Variants in LRFN2 observed in about 807,000 individuals in gnomAD.
LRFN2 encodes the protein leucine rich repeat and fibronectin type III domain containing 2, also known as leucine-rich repeat and fibronectin type-III domain-containing protein 2.
LRFN2 carries 18 observed loss-of-function variants against 37.3 expected under a neutral mutation model. That is an observed-to-expected ratio of 0.48 (90% CI 0.33 to 0.72). LRFN2 has a LOEUF of 0.72. Ranked by LOEUF, LRFN2 falls within the 30% of genes least tolerant of loss-of-function variation. The pLI, the probability that LRFN2 is intolerant of heterozygous loss-of-function variation, is 0.02. For synonymous variants in LRFN2, 556 were observed against 466.6 expected, an observed-to-expected ratio of 1.19 and a Z score of -2.47; for missense variants, 1,006 against 1,060.7, an observed-to-expected ratio of 0.95 and a Z score of 0.72.
intron 1 of LRFN2, among the ~76,000 whole-genome samples, chr6:40,449,905 G>A (rs1436027827): frequency 8.6e-5 from 13 of 151,918 alleles, no homozygotes; most frequent in Non-Finnish European, 4.4e-5. Context: ...ATCTCATTTG[G>A]GCTACTTTGC....
At chr6:40,505,802 T>TG (rs761379607) in intron 1 of LRFN2, among the ~76,000 whole-genome samples, 12 of 152,286 alleles carry the variant, frequency 7.9e-5, no homozygotes, top group East Asian at 7.7e-4. Flanking sequence ...TGGCAGGGGT[T>TG]GGGGGGTCCC....
In LRFN2 at chr6:40,391,713, G is replaced by A. The variant is rs761605257; in HGVS notation, c.*230C>T. 18 of 422,064 alleles carry A rather than the reference G, an allele frequency of 4.3e-5. No individual in the cohort carries two copies. Among genetic ancestry groups the A allele is most frequent in the Admixed American group, 2.5e-4 (6 of 24,132 alleles). 26.1% of individuals were successfully genotyped at this position (422,064 alleles called of 1,614,324 possible). A position where few individuals can be genotyped will look rare whatever the true frequency, so the allele number is the denominator to read the frequency against. ...GAGTCTCGCCTTTCCAAACACTCAGGGCTCAGTCCGGCATTTGAGCGAGTC... is the reference window on the plus strand; with the variant it reads ...GAGTCTCGCCTTTCCAAACACTCAGAGCTCAGTCCGGCATTTGAGCGAGTC... On this transcript the variant is annotated 3_prime_UTR_variant, in exon 3 of 3. Coordinates refer to ENST00000338305, the MANE Select transcript of LRFN2 (RefSeq NM_020737.3).
chr6:40,428,731 G>T (rs115815819), intron 2 of LRFN2, among the ~76,000 whole-genome samples: 238 of 152,270 alleles, frequency 1.6e-3, no homozygotes, highest in African/African-American at 5.6e-3. Context: ...ATGAGATACT[G>T]CCTGTAAAAG....
chr6:40,569,228 C>T (rs941402775), intron 1 of LRFN2, among the ~76,000 whole-genome samples: 1 of 152,208 alleles, frequency 6.6e-6, no homozygotes, highest in African/African-American at 2.4e-5. Flanking sequence ...TTTAAGCCTC[C>T]ACTGGGGGAG....
chr6:40,435,870 G>A (rs1163478904), intron 1 of LRFN2, among the ~76,000 whole-genome samples: 7 of 152,094 alleles, frequency 4.6e-5, no homozygotes, highest in Non-Finnish European at 7.4e-5. Context: ...ACTTTATTAT[G>A]TATATTTGAA....
Position 40,546,014 on chromosome 6 carries a change from C to T in LRFN2, c.-19+40927G>A, listed in dbSNP as rs1766652934. On this transcript the variant is annotated intron_variant, in intron 1 of 2. Transcript: ENST00000338305. ...TTTAGCGCTGGCAGTCAACTAACCACATTTTAGACAAGTAGCTTCTGTGGG... is the reference window on the plus strand; with the variant it reads ...TTTAGCGCTGGCAGTCAACTAACCATATTTTAGACAAGTAGCTTCTGTGGG... 2.0e-5 allele frequency among the ~76,000 whole-genome samples: 3 copies of T among 152,180 alleles called. No individual in the cohort carries two copies. In the South Asian group the frequency reaches 6.2e-4, roughly 32 times the overall value.
At chr6:40,538,471 G>C (rs1334261566) in intron 1 of LRFN2, among the ~76,000 whole-genome samples, 1 of 152,232 alleles carries the variant, frequency 6.6e-6, no homozygotes, top group Non-Finnish European at 1.5e-5. Context: ...ATTACACTGA[G>C]AGACTGGCTG....
At chr6:40,431,052 C>T (rs1763466523) in intron 2 of LRFN2, among the ~76,000 whole-genome samples, 2 of 152,144 alleles carry the variant, frequency 1.3e-5, no homozygotes, top group South Asian at 4.2e-4. Flanking sequence ...GAAGCAGGTT[C>T]CTGACTTGTT....
chr6:40,449,429 T>G (rs1362723126), intron 1 of LRFN2, among the ~76,000 whole-genome samples: 3 of 152,240 alleles, frequency 2.0e-5, no homozygotes, highest in Non-Finnish European at 4.4e-5. Context: ...GACTTAGTTC[T>G]AACCAAAGGG....
chr6:40,516,656 C>T (rs2113893934), intron 1 of LRFN2, among the ~76,000 whole-genome samples: 1 of 152,314 alleles, frequency 6.6e-6, no homozygotes, highest in Non-Finnish European at 1.5e-5. Context: ...AGTCCCACCT[C>T]CCTGACCTCA....
chr6:40,508,591 C>T (rs1352543245), intron 1 of LRFN2, among the ~76,000 whole-genome samples: 2 of 152,164 alleles, frequency 1.3e-5, no homozygotes, highest in African/African-American at 4.8e-5. Flanking sequence ...TGGGTCACCT[C>T]GAGCAAGGTA....
chr6:40,399,438 C>CTTTTTTTTTTTTT (rs71543989), intron 2 of LRFN2, among the ~76,000 whole-genome samples: 32 of 108,934 alleles, frequency 2.9e-4, no homozygotes, highest in East Asian at 5.0e-4. Flanking sequence ...TTTTTTTTTT[C>CTTTTTTTTTTTTT]TTTTTTTTTT....
chr6:40,414,460 T>TAAACAG (rs1319877002), intron 2 of LRFN2, among the ~76,000 whole-genome samples: 3 of 152,296 alleles, frequency 2.0e-5, no homozygotes, highest in African/African-American at 7.2e-5. Context: ...AATGAGCTAA[T>TAAACAG]AAACAGAAAC....
chr6:40,455,064 T>A (rs114974633), intron 1 of LRFN2, among the ~76,000 whole-genome samples: 1 of 152,368 alleles, frequency 6.6e-6, no homozygotes, highest in African/African-American at 2.4e-5. Context: ...TCCCATTTTT[T>A]AAATTTAAAT....
chr6:40,415,762 C>G (rs770867014), intron 2 of LRFN2, among the ~76,000 whole-genome samples: 1 of 152,150 alleles, frequency 6.6e-6, no homozygotes, highest in African/African-American at 2.4e-5. Context: ...CCATGTGTGG[C>G]CCAGACTTGA....
At chr6:40,516,769 A>G (rs1765889328) in intron 1 of LRFN2, among the ~76,000 whole-genome samples, 1 of 152,132 alleles carries the variant, frequency 6.6e-6, no homozygotes, top group Non-Finnish European at 1.5e-5. Context: ...AGGAGCAGCC[A>G]AGGATGAGTG....
chr6:40,553,380 G>C lies in LRFN2; in HGVS notation c.-19+33561C>G, dbSNP rs60603583. Among the ~76,000 whole-genome samples, 641 of 152,332 alleles carry C rather than the reference G, an allele frequency of 4.2e-3. 1 individual carries two copies. Among genetic ancestry groups the C allele is most frequent in the African/African-American group, 0.014 (589 of 41,570 alleles). On this transcript the variant is annotated intron_variant, in intron 1 of 2. Transcript: ENST00000338305. ...TATAACTGGCGTGTAAGGGCTTAAAGCCACAAGGGAAACTGAGTCACGTCA... is the reference window on the plus strand; with the variant it reads ...TATAACTGGCGTGTAAGGGCTTAAACCCACAAGGGAAACTGAGTCACGTCA...
chr6:40,539,554 C>T (rs921363176), intron 1 of LRFN2, among the ~76,000 whole-genome samples: 1 of 152,176 alleles, frequency 6.6e-6, no homozygotes, highest in African/African-American at 2.4e-5. Context: ...GCTTTGGGTA[C>T]AGCAGACAAG....
At chr6:40,513,464 C>A (rs937350256) in intron 1 of LRFN2, among the ~76,000 whole-genome samples, 1 of 152,064 alleles carries the variant, frequency 6.6e-6, no homozygotes, top group Non-Finnish European at 1.5e-5. Flanking sequence ...GAACACCTCA[C>A]GTCAAGTGAT....
Sources: gnomAD v4.1 joint callset for allele counts (sites outside exome capture counted in the v4.1 genomes callset) on GRCh38, gnomAD v4.1.1 for gene constraint, MANE v1.5 for transcripts, NCBI Gene and HGNC (gene_info 2026-07-23, HGNC 2026-07-21) for gene names.